Variants in MS4A3 observed in about 807,000 individuals in gnomAD.
MS4A3 encodes the protein membrane spanning 4-domains A3, also known as membrane-spanning 4-domains subfamily A member 3.
In MS4A3, 18 loss-of-function variants were observed where a neutral mutation model predicts 24.7. The observed-to-expected ratio is 0.73, with a 90% CI of 0.50 to 1.08. MS4A3 has a LOEUF of 1.08. Ranked by LOEUF, MS4A3 falls within the 50% of genes least tolerant of loss-of-function variation. MS4A3 has a pLI of 0.00. For synonymous variants in MS4A3, 84 were observed against 95.3 expected (o/e 0.88, Z 0.69); for missense variants, 282 against 251.7 (o/e 1.12, Z -0.82).
intron 1 of MS4A3, among the ~76,000 whole-genome samples, chr11:60,057,765 T>C (rs548547794): frequency 6.6e-6 from 1 of 152,284 alleles, no homozygotes; most frequent in African/African-American, 2.4e-5. Context: ...AAACATAGTT[T>C]GTTTCACCTG....
Position 60,057,395 on chromosome 11 carries a change from T to TTG in MS4A3, c.-16+676_-16+677dup, listed in dbSNP as rs35408400. Among the ~76,000 whole-genome samples, 316 of 150,722 alleles carry TTG rather than the reference T, an allele frequency of 2.1e-3. 3 individuals carry two copies. Among genetic ancestry groups the TTG allele is most frequent in the South Asian group, 4.8e-3 (23 of 4,762 alleles). On this transcript the variant is annotated intron_variant, in intron 1 of 6. Transcript: ENST00000278865. Reference sequence around the variant, plus strand: ...CTAGAAAATCTACATTTCTCTGATTTTGTGTGTGTGTGTGTGTGTGTGAGA... The same window carrying TTG: ...CTAGAAAATCTACATTTCTCTGATTTTGTGTGTGTGTGTGTGTGTGTGTGAGA...
At chr11:60,066,825 G>T in intron 4 of MS4A3, 126 bp from the exon 5 acceptor site, 1 of 681,544 alleles carries the variant, frequency 1.5e-6, no homozygotes, top group East Asian at 3.1e-5. Context: ...ATTGATGTTA[G>T]CCTCGCATCT....
chr11:60,067,769 C>T (rs3016834), intron 5 of MS4A3, among the ~76,000 whole-genome samples: 41,101 of 151,606 alleles, frequency 0.27, 5,782 homozygotes, highest in South Asian at 0.49. Flanking sequence ...TTCATTTCAC[C>T]GGGCGCGGTG....
At position 60,061,289 on chromosome 11, in the gene MS4A3, T is replaced by C. The variant is rs1855270400; in HGVS notation, c.129T>C (p.Tyr43=). 1 of 1,610,966 alleles carries C rather than the reference T, an allele frequency of 6.2e-7. No homozygotes were observed. ...AGCCCATAGATGGATCACCAGATTATCAGAAAGCAAAATTACAAGTTCTTG... is the reference window on the plus strand; with the variant it reads ...AGCCCATAGATGGATCACCAGATTACCAGAAAGCAAAATTACAAGTTCTTG... ...VYQPIDGSPD[Y]QKAKLQVLGA... The change falls in exon 2 of 7, where the codon TAT becomes TAC. Residue 43 remains tyrosine (Y), a synonymous_variant. Coordinates refer to ENST00000278865, the MANE Select transcript of MS4A3 (RefSeq NM_006138.5).
chr11:60,062,647 T>C (rs763425300), intron 3 of MS4A3, 42 bp downstream of exon 3: 6 of 1,608,682 alleles, frequency 3.7e-6, no homozygotes, highest in Non-Finnish European at 4.3e-6. Context: ...ATTTCTTAGA[T>C]ACCACTGCTG....
At chr11:60,064,782 C>T (rs1855332818) in intron 4 of MS4A3, among the ~76,000 whole-genome samples, 2 of 152,118 alleles carry the variant, frequency 1.3e-5, no homozygotes. Context: ...TTTATTGTAT[C>T]CTCAAACACC....
chr11:60,066,883 A>C (rs1855369004), intron 4 of MS4A3, 68 bp from the exon 5 acceptor site: 1 of 1,239,296 alleles, frequency 8.1e-7, no homozygotes, highest in South Asian at 1.6e-5. Flanking sequence ...GTTTGTTTCA[A>C]TGAATTGTTG....
chr11:60,057,627 A>G (rs1235676669), intron 1 of MS4A3, among the ~76,000 whole-genome samples: 1 of 152,180 alleles, frequency 6.6e-6, no homozygotes, highest in African/African-American at 2.4e-5. Context: ...GATGATCTCA[A>G]TCTCCTGACC....
intron 4 of MS4A3, among the ~76,000 whole-genome samples, chr11:60,065,218 T>C (rs1202665729): frequency 6.7e-6 from 1 of 148,188 alleles, no homozygotes; most frequent in African/African-American, 2.5e-5. Context: ...TTTTGTCTTT[T>C]TTTTTTTTTT....
At chr11:60,064,550 GTCT>G (rs1000851278) in intron 4 of MS4A3, among the ~76,000 whole-genome samples, 2 of 152,138 alleles carry the variant, frequency 1.3e-5, no homozygotes, top group Admixed American at 1.3e-4. Context: ...CTTAGAAAAA[GTCT>G]TCTTGATTTT....
chr11:60,060,517 A>G lies in MS4A3; in HGVS notation c.-15-629A>G, dbSNP rs115178917. Among the ~76,000 whole-genome samples the G allele has an allele frequency of 4.7e-3, 718 of 152,278 alleles. 8 individuals carry two copies. The highest frequency in any genetic ancestry group is 0.016 in the African/African-American group (679 of 41,562). On this transcript the variant is annotated intron_variant, in intron 1 of 6. Coordinates refer to ENST00000278865, the MANE Select transcript of MS4A3 (RefSeq NM_006138.5). ...CTCAGAAAGACGTCTTCTATATAGT[A>G]CTATATAATGTGGTGATTTGAAAAA...
Position 60,065,686 on chromosome 11 carries a change from A to G in MS4A3, c.352-1265A>G, listed in dbSNP as rs568694613. 9.2e-4 allele frequency among the ~76,000 whole-genome samples: 140 copies of G among 152,362 alleles called. 1 individual carries two copies. Among genetic ancestry groups the G allele is most frequent in the African/African-American group, 3.2e-3 (134 of 41,586 alleles). On this transcript the variant is annotated intron_variant, in intron 4 of 6. Coordinates refer to ENST00000278865, the MANE Select transcript of MS4A3 (RefSeq NM_006138.5). ...ACTTAAGCTATGAGTAGCATTTAGC[A>G]TAGTTAGTCGCCCACTCCTCCTTCC... is the stretch of plus-strand genomic sequence containing the variant.
intron 4 of MS4A3, among the ~76,000 whole-genome samples, chr11:60,066,273 T>C (rs1288380878): frequency 6.6e-6 from 1 of 152,248 alleles, no homozygotes; most frequent in Non-Finnish European, 1.5e-5. Flanking sequence ...GCTTTTATCG[T>C]TGAACTTCTC....
chr11:60,067,208 G>GAA, intron 5 of MS4A3, 96 bp downstream of exon 5: 1 of 682,352 alleles, frequency 1.5e-6, no homozygotes, highest in Non-Finnish European at 2.2e-6. Context: ...GCCATAATTT[G>GAA]AATCTTTTTT....
chr11:60,059,473 G>A (rs1855236920), intron 1 of MS4A3, among the ~76,000 whole-genome samples: 1 of 152,128 alleles, frequency 6.6e-6, no homozygotes, highest in Non-Finnish European at 1.5e-5. Context: ...ACAGGGGTGT[G>A]TTGTGCAGAT....
intron 5 of MS4A3, 98 bp downstream of exon 5, chr11:60,067,210 A>ATT (rs1565064560): frequency 1.4e-5 from 12 of 835,942 alleles, no homozygotes; most frequent in Admixed American, 4.2e-5. Context: ...CATAATTTGA[A>ATT]TCTTTTTTTT....
At chr11:60,056,854 G>A (rs541284461) in intron 1 of MS4A3, 114 bp downstream of exon 1, 24 of 152,320 alleles carry the variant, frequency 1.6e-4, no homozygotes, top group Admixed American at 5.9e-4. Flanking sequence ...GCTATGTAGA[G>A]GTTTGGAACA....
chr11:60,058,472 A>C (rs1855207741), intron 1 of MS4A3, among the ~76,000 whole-genome samples: 1 of 127,660 alleles, frequency 7.8e-6, no homozygotes. Flanking sequence ...GGGCCTCTGC[A>C]CTCCAGCCTG....
chr11:60,068,579 G>T (rs1399101951), intron 5 of MS4A3, among the ~76,000 whole-genome samples: 5 of 151,860 alleles, frequency 3.3e-5, no homozygotes, highest in African/African-American at 1.2e-4. Context: ...AAAAATTTGT[G>T]TTCAGGTACT....
Sources: gnomAD v4.1 joint callset for allele counts (sites outside exome capture counted in the v4.1 genomes callset) on GRCh38, gnomAD v4.1.1 for gene constraint, MANE v1.5 for transcripts, NCBI Gene and HGNC (gene_info 2026-07-23, HGNC 2026-07-21) for gene names.